Variants in PDE1C observed in about 807,000 individuals in gnomAD.
PDE1C encodes the protein dual specificity calcium/calmodulin-dependent 3',5'-cyclic nucleotide phosphodiesterase 1C.
A neutral mutation model predicts 93.1 loss-of-function variants in PDE1C; 62 were observed. The observed-to-expected ratio is 0.67, with a 90% confidence interval of 0.54 to 0.82. The LOEUF (loss-of-function observed/expected upper bound fraction) is 0.82, where lower values mean the gene tolerates loss of function less well. Ranked by LOEUF, PDE1C falls within the 40% of genes least tolerant of loss-of-function variation. The pLI, the probability that PDE1C is intolerant of heterozygous loss-of-function variation, is 0.00. For missense variants in PDE1C, 742 were observed against 884.6 expected (o/e 0.84, Z 2.04); for synonymous variants, 325 against 310.1 (o/e 1.05, Z -0.50).
the PDE1C span, chr7:31,708,324 C>T: frequency 2.0e-5 from 3 of 152,208 alleles, no homozygotes; most frequent in East Asian, 5.8e-4. Flanking sequence ...CGCAAATTGT[C>T]ACAACTAAGA....
At chr7:31,706,786 C>T in the PDE1C span, among the ~76,000 whole-genome samples, 3 of 152,116 alleles carry the variant, frequency 2.0e-5, no homozygotes, top group Admixed American at 1.3e-4. Flanking sequence ...TCACAATAAC[C>T]CTTTATAATA....
At chr7:32,135,110 A>C (rs1254696853) in intron 3 of PDE1C, among the ~76,000 whole-genome samples, 3 of 152,142 alleles carry the variant, frequency 2.0e-5, no homozygotes, top group African/African-American at 7.2e-5. Flanking sequence ...AAGAAGGCCA[A>C]CAAGAGACAA....
intron 2 of PDE1C, among the ~76,000 whole-genome samples, chr7:31,907,224 G>A (rs7785412): frequency 0.9 from 136,946 of 152,078 alleles, 62,667 homozygotes; most frequent in East Asian, 1. Flanking sequence ...GACATATTAC[G>A]TAAAAATTAA....
chr7:32,376,981 T>C (rs215719), intron 1 of PDE1C, among the ~76,000 whole-genome samples: 147,861 of 152,208 alleles, frequency 0.97, 71,852 homozygotes, highest in East Asian at 1. Context: ...GCCACAGCGC[T>C]CGGCCGACTT....
intron 2 of PDE1C, among the ~76,000 whole-genome samples, chr7:32,031,022 T>C (rs1790233123): frequency 6.6e-6 from 1 of 152,196 alleles, no homozygotes; most frequent in Admixed American, 6.5e-5. Context: ...AAACAATTCC[T>C]GTCCACTGAC....
At chr7:32,213,342 G>A (rs1029869191) in intron 1 of PDE1C, among the ~76,000 whole-genome samples, 8 of 152,112 alleles carry the variant, frequency 5.3e-5, no homozygotes, top group African/African-American at 1.4e-4. Context: ...ATGGTCCCTC[G>A]GTGGCTCTGC....
chr7:32,073,556 T>A (rs965333898), upstream of PDE1C, among the ~76,000 whole-genome samples: 3 of 152,198 alleles, frequency 2.0e-5, no homozygotes, highest in Admixed American at 1.3e-4. Context: ...TTACCCCAGC[T>A]CTTAGTGCCC....
intron 11 of PDE1C, among the ~76,000 whole-genome samples, chr7:31,835,923 C>T (rs1294861308): frequency 6.6e-6 from 1 of 152,102 alleles, no homozygotes; most frequent in Non-Finnish European, 1.5e-5. Flanking sequence ...TTATCACAAT[C>T]TAAATTTATT....
intron 2 of PDE1C, among the ~76,000 whole-genome samples, chr7:31,894,487 C>CA (rs1489009886): frequency 1.3e-5 from 2 of 152,224 alleles, no homozygotes; most frequent in African/African-American, 4.8e-5. Context: ...CATAATCACA[C>CA]ATATGGCTCC....
At chr7:31,928,463 C>A (rs1803695349) in intron 2 of PDE1C, among the ~76,000 whole-genome samples, 1 of 151,204 alleles carries the variant, frequency 6.6e-6, no homozygotes, top group African/African-American at 2.5e-5. Flanking sequence ...AGAAGAGTAA[C>A]CCCAAGAAAC....
At chr7:32,072,150 G>T (rs982602873), upstream of PDE1C, among the ~76,000 whole-genome samples, 1 of 152,068 alleles carries the variant, frequency 6.6e-6, no homozygotes, top group Non-Finnish European at 1.5e-5. Flanking sequence ...TTCATAATTG[G>T]CATTCATTTT....
chr7:31,793,793 T>C (rs1784857038), intron 16 of PDE1C, among the ~76,000 whole-genome samples: 1 of 151,866 alleles, frequency 6.6e-6, no homozygotes, highest in African/African-American at 2.4e-5. Context: ...TGACAGCTAT[T>C]TTAAAGCGTT....
At chr7:31,813,683 T>TG (rs1166199898) in intron 15 of PDE1C, among the ~76,000 whole-genome samples, 1 of 152,128 alleles carries the variant, frequency 6.6e-6, no homozygotes, top group African/African-American at 2.4e-5. Flanking sequence ...CATAGGTTTT[T>TG]GGGGAAAAGA....
At chr7:32,284,851 G>A (rs1420212759) in intron 1 of PDE1C, among the ~76,000 whole-genome samples, 1 of 152,020 alleles carries the variant, frequency 6.6e-6, no homozygotes, top group East Asian at 1.9e-4. Flanking sequence ...GGCCAACATG[G>A]TGAAACCCGT....
chr7:31,670,651 G>A, the PDE1C span, among the ~76,000 whole-genome samples: 1 of 152,194 alleles, frequency 6.6e-6, no homozygotes, highest in African/African-American at 2.4e-5. Flanking sequence ...GTATGACACT[G>A]TCTTACTGAT....
chr7:31,947,172 A>C (rs1806732005), intron 2 of PDE1C, among the ~76,000 whole-genome samples: 1 of 152,072 alleles, frequency 6.6e-6, no homozygotes, highest in African/African-American at 2.4e-5. Context: ...TTGGTGTGAT[A>C]ATAAGGTGTG....
At chr7:32,212,025 C>CAAAAAAAAAAAAAAAAAAAAA (rs35827566) in intron 1 of PDE1C, among the ~76,000 whole-genome samples, 7 of 81,244 alleles carry the variant, frequency 8.6e-5, no homozygotes, top group South Asian at 8.8e-4. Context: ...GAACCTATCT[C>CAAAAAAAAAAAAAAAAAAAAA]AAAAAAAAAA....
the PDE1C span, among the ~76,000 whole-genome samples, chr7:31,721,922 C>A: frequency 6.6e-6 from 1 of 152,166 alleles, no homozygotes; most frequent in Non-Finnish European, 1.5e-5. Context: ...AACAATCCCA[C>A]TCCCAGAGAG....
intron 1 of PDE1C, among the ~76,000 whole-genome samples, chr7:32,276,286 A>G (rs1811280442): frequency 6.6e-6 from 1 of 152,358 alleles, no homozygotes; most frequent in Admixed American, 6.5e-5. Flanking sequence ...ATTAGAAGTG[A>G]CAAAAACAAG....
Sources: allele counts gnomAD v4.1 joint callset (sites outside exome capture counted in the v4.1 genomes callset), GRCh38; gene constraint gnomAD v4.1.1; transcripts MANE v1.5; gene names NCBI Gene and HGNC (gene_info 2026-07-23, HGNC 2026-07-21).